The following IKZF2 variants were observed in gnomAD, a reference collection of about 807,000 sequenced individuals.
The protein encoded by IKZF2 is IKAROS family zinc finger 2.
In IKZF2, 15 loss-of-function variants were observed where a neutral mutation model predicts 49.2. The ratio of observed to expected loss-of-function variants is 0.30; its 90% CI spans 0.20 to 0.47. The LOEUF (loss-of-function observed/expected upper bound fraction) is 0.47, where lower values mean the gene tolerates loss of function less well. Among genes scored for constraint, IKZF2 ranks in the 20% least tolerant of loss-of-function variants. IKZF2 has a pLI of 1.00. For synonymous variants in IKZF2, 227 were observed against 221.4 expected (o/e 1.03, Z -0.23); for missense variants, 567 against 664.6 (o/e 0.85, Z 1.61).
chr2:213,054,553 C>T (rs774719543), intron 5 of IKZF2, among the ~76,000 whole-genome samples: 1 of 152,112 alleles, frequency 6.6e-6, no homozygotes, highest in Non-Finnish European at 1.5e-5. Context: ...ACTGGATCAT[C>T]AGAAATATGT....
chr2:213,056,494 C>T, intron 5 of IKZF2: 1 of 384,816 alleles, frequency 2.6e-6, no homozygotes, highest in Non-Finnish European at 4.9e-6. Context: ...ACTATATTAC[C>T]TGCCCATGGG....
At chr2:213,150,475 C>CTCCTCCTCG (rs2126002798) in intron 1 of IKZF2, 2 of 270,252 alleles carry the variant, frequency 7.4e-6, no homozygotes, top group Non-Finnish European at 1.5e-5. Flanking sequence ...CCTCCTCCTC[C>CTCCTCCTCG]TCGTCCTCCT....
chr2:213,128,804 C>CTTTTTTTTTTT (rs1184422126), intron 4 of IKZF2, among the ~76,000 whole-genome samples: 124 of 113,180 alleles, frequency 1.1e-3, no homozygotes, highest in African/African-American at 1.9e-3. Flanking sequence ...ATTTTTTTTT[C>CTTTTTTTTTTT]TTTTTTTTTT....
At chr2:213,115,596 C>T (rs1260524952) in intron 4 of IKZF2, among the ~76,000 whole-genome samples, 1 of 152,194 alleles carries the variant, frequency 6.6e-6, no homozygotes, top group Non-Finnish European at 1.5e-5. Flanking sequence ...CTGATGTTCA[C>T]ACCCTGAAAC....
At chr2:213,101,838 C>T (rs1314204513) in intron 4 of IKZF2, among the ~76,000 whole-genome samples, 1 of 152,148 alleles carries the variant, frequency 6.6e-6, no homozygotes, top group Non-Finnish European at 1.5e-5. Flanking sequence ...CGATAGTACA[C>T]TCACACCTAG....
At chr2:213,136,913 G>A (rs971771027) in intron 4 of IKZF2, among the ~76,000 whole-genome samples, 3 of 152,028 alleles carry the variant, frequency 2.0e-5, no homozygotes, top group African/African-American at 7.2e-5. Context: ...AGAGTTGTAT[G>A]AAATCAATTG....
At chr2:213,041,682 C>T (rs1260466747) in intron 6 of IKZF2, among the ~76,000 whole-genome samples, 1 of 152,082 alleles carries the variant, frequency 6.6e-6, no homozygotes, top group Non-Finnish European at 1.5e-5. Context: ...CCCTCTTCTC[C>T]TTCCCCTTCT....
intron 4 of IKZF2, among the ~76,000 whole-genome samples, chr2:213,123,549 T>C (rs911440237): frequency 6.6e-6 from 1 of 152,126 alleles, no homozygotes; most frequent in East Asian, 1.9e-4. Context: ...CATGTAAACA[T>C]ATGTAACAAA....
chr2:213,032,347 GTTTAT>G (rs1313872764), intron 6 of IKZF2, among the ~76,000 whole-genome samples: 2 of 152,128 alleles, frequency 1.3e-5, no homozygotes, highest in East Asian at 3.8e-4. Context: ...TAGAAGTTAT[GTTTAT>G]ATCATACCAT....
intron 4 of IKZF2, chr2:213,081,031 T>C (rs186561220): frequency 1.3e-5 from 2 of 154,198 alleles, no homozygotes; most frequent in African/African-American, 4.8e-5. Context: ...GCAATTAGAG[T>C]TTCTATTTAT....
rs1049474992 is a variant in IKZF2 at position 213,005,593 on chromosome 2, C to T, written c.*1767G>A. ...TATTAAGATACATAATTTCAGCATCCTATTTAATGATCCTTTAGAGCAGTT... is the reference window on the plus strand; with the variant it reads ...TATTAAGATACATAATTTCAGCATCTTATTTAATGATCCTTTAGAGCAGTT... On this transcript the variant is annotated 3_prime_UTR_variant, in exon 9 of 9. Coordinates refer to ENST00000434687, the MANE Select transcript of IKZF2 (RefSeq NM_001387220.1). 6.6e-6 allele frequency: 1 copy of T among 151,986 alleles called. No individual in the cohort carries two copies. Among genetic ancestry groups the T allele is most frequent in the African/African-American group, 2.4e-5 (1 of 41,400 alleles). 9.4% of individuals were successfully genotyped at this position (151,986 alleles called of 1,614,324 possible).
chr2:213,042,734 G>T (rs1699783444), intron 6 of IKZF2, among the ~76,000 whole-genome samples: 1 of 151,988 alleles, frequency 6.6e-6, no homozygotes, highest in African/African-American at 2.4e-5. Context: ...AGTTCTTAAA[G>T]ACACTGAAAA....
chr2:213,113,608 T>C (rs1234457894), intron 4 of IKZF2, among the ~76,000 whole-genome samples: 1 of 152,214 alleles, frequency 6.6e-6, no homozygotes, highest in Non-Finnish European at 1.5e-5. Flanking sequence ...TCTGTTTCTC[T>C]AAAAAACAAA....
At chr2:213,087,089 G>C (rs1325221275) in intron 4 of IKZF2, among the ~76,000 whole-genome samples, 1 of 152,072 alleles carries the variant, frequency 6.6e-6, no homozygotes, top group African/African-American at 2.4e-5. Context: ...GTAATCTTAG[G>C]TTTTGAAACA....
At chr2:213,125,863 T>C (rs1370919150) in intron 4 of IKZF2, among the ~76,000 whole-genome samples, 2 of 152,084 alleles carry the variant, frequency 1.3e-5, no homozygotes, top group East Asian at 3.8e-4. Context: ...ATAGGGCAAG[T>C]ATGTACCATG....
chr2:213,010,032 T>C (rs1695778345), intron 8 of IKZF2, among the ~76,000 whole-genome samples: 1 of 152,116 alleles, frequency 6.6e-6, no homozygotes, highest in Non-Finnish European at 1.5e-5. Flanking sequence ...TTGAAGGGGA[T>C]AAACAAGGAA....
intron 7 of IKZF2, among the ~76,000 whole-genome samples, chr2:213,019,580 T>C (rs562037012): frequency 2.0e-5 from 3 of 152,318 alleles, no homozygotes; most frequent in South Asian, 2.1e-4. Flanking sequence ...AGAAAAAGTA[T>C]GGTATGAAAT....
At chr2:213,027,505 G>A (rs1403902089) in intron 6 of IKZF2, among the ~76,000 whole-genome samples, 1 of 152,168 alleles carries the variant, frequency 6.6e-6, no homozygotes. Flanking sequence ...ATAGGTCCTT[G>A]CCAGTCTCAC....
At chr2:213,077,924 T>C (rs1703462282) in intron 4 of IKZF2, among the ~76,000 whole-genome samples, 1 of 152,110 alleles carries the variant, frequency 6.6e-6, no homozygotes, top group African/African-American at 2.4e-5. Context: ...CATGTTTACA[T>C]TAGTTTGGAA....
Sources: allele counts gnomAD v4.1 joint callset (sites outside exome capture counted in the v4.1 genomes callset), GRCh38; gene constraint gnomAD v4.1.1; transcripts MANE v1.5; gene names NCBI Gene and HGNC (gene_info 2026-07-23, HGNC 2026-07-21).